EGFR: variants seen among roughly 807,000 people sequenced by gnomAD.
EGFR encodes the protein avian erythroblastic leukemia viral (v-erb-b) oncogene homolog.
A neutral mutation model predicts 143.0 loss-of-function variants in EGFR; 58 were observed. The observed-to-expected ratio is 0.41, with a 90% CI of 0.33 to 0.50. The LOEUF (loss-of-function observed/expected upper bound fraction) is 0.50. EGFR is among the 20% of genes least tolerant of loss of function. The probability of loss-of-function intolerance (pLI) is 0.39; values close to 1 mark genes in which losing one functional copy is unlikely to be tolerated. For synonymous variants in EGFR, 613 were observed against 594.4 expected (o/e 1.03, Z -0.45); for missense variants, 1,307 against 1,579.0 (o/e 0.83, Z 2.92).
intron 1 of EGFR, among the ~76,000 whole-genome samples, chr7:55,106,649 C>A (rs2330951): frequency 0.8 from 122,424 of 152,172 alleles, 49,622 homozygotes; most frequent in East Asian, 0.99. Context: ...AAGTAAAACT[C>A]TTCAAATTAA....
At chr7:55,200,492 C>T (rs2128970189) in intron 24 of EGFR, 79 bp downstream of exon 24, 2 of 1,396,304 alleles carry the variant, frequency 1.4e-6, no homozygotes, top group Non-Finnish European at 2.0e-6. Context: ...TGTCACATGC[C>T]AGCCTGGCCT....
intron 15 of EGFR, among the ~76,000 whole-genome samples, chr7:55,169,285 C>G (rs553452865): frequency 1.3e-5 from 2 of 151,992 alleles, no homozygotes; most frequent in South Asian, 2.1e-4. Flanking sequence ...ATTTTTAGTA[C>G]AGACAGGGTT....
In EGFR at chr7:55,165,216, T is replaced by G. The variant is rs17336933; in HGVS notation, c.1723-64T>G. 1.6e-3 allele frequency: 2,580 copies of G among 1,610,884 alleles called. 48 individuals are homozygous for G. The African/African-American group carries it at 0.029, about 18-fold the overall frequency. ...ACACTAAATATTTTAAGTAAAAAGT[T>G]ACTTCCATTTTGAAAGAGAAAAGAA... On this transcript the variant is annotated intron_variant, in intron 14 of 27. Coordinates refer to ENST00000275493, the MANE Select transcript of EGFR (RefSeq NM_005228.5).
At chr7:55,125,908 A>G (rs916024531) in intron 1 of EGFR, among the ~76,000 whole-genome samples, 1 of 152,198 alleles carries the variant, frequency 6.6e-6, no homozygotes, top group African/African-American at 2.4e-5. Context: ...TTCAAATGAA[A>G]TCTAAAGTCC....
chr7:55,024,296 A>G (rs957707685), intron 1 of EGFR, among the ~76,000 whole-genome samples: 1 of 152,214 alleles, frequency 6.6e-6, no homozygotes, highest in African/African-American at 2.4e-5. Flanking sequence ...TGTGAATTGC[A>G]TATGCTTAGA....
intron 1 of EGFR, among the ~76,000 whole-genome samples, chr7:55,121,937 G>C (rs1793233194): frequency 6.6e-6 from 1 of 152,226 alleles, no homozygotes; most frequent in African/African-American, 2.4e-5. Flanking sequence ...GTTCAGTCCA[G>C]TGGATCTGGG....
intron 1 of EGFR, among the ~76,000 whole-genome samples, chr7:55,069,518 C>T (rs898339601): frequency 6.6e-6 from 1 of 152,230 alleles, no homozygotes; most frequent in Admixed American, 6.5e-5. Context: ...CACATCAGAC[C>T]TGGTTCTTGC....
intron 1 of EGFR, among the ~76,000 whole-genome samples, chr7:55,136,789 G>A (rs1441110080): frequency 6.6e-6 from 1 of 152,258 alleles, no homozygotes; most frequent in Admixed American, 6.5e-5. Flanking sequence ...AGTCAGCCAT[G>A]CAATCAAGAG....
intron 7 of EGFR, 103 bp downstream of exon 7, chr7:55,154,255 A>G: frequency 1.9e-6 from 3 of 1,569,018 alleles, no homozygotes; most frequent in Non-Finnish European, 2.6e-6. Flanking sequence ...CTTTGGGTGG[A>G]TGTGTTTGCC....
chr7:55,061,193 G>A lies in EGFR; in HGVS notation c.88+41828G>A, dbSNP rs117223234. Among the ~76,000 whole-genome samples the A allele has an allele frequency of 1.6e-4, 25 of 152,300 alleles. No homozygotes were observed. The East Asian group carries it at 2.5e-3, about 15-fold the overall frequency. ...TGTAATTGGCCACTTAGTAATAGAC[G>A]TGTAGGTCTCTTGTGTGGATAAGGA... On this transcript the variant is annotated intron_variant, in intron 1 of 27. Transcript: ENST00000275493.
At chr7:55,192,263 C>G (rs1323680254) in intron 21 of EGFR, among the ~76,000 whole-genome samples, 1 of 152,184 alleles carries the variant, frequency 6.6e-6, no homozygotes, top group East Asian at 1.9e-4. Context: ...ACCCGAGCTC[C>G]CAGGGCTGTC....
intron 1 of EGFR, among the ~76,000 whole-genome samples, chr7:55,058,262 C>T (rs1788951828): frequency 1.3e-5 from 2 of 152,128 alleles, no homozygotes; most frequent in Non-Finnish European, 2.9e-5. Context: ...GGCGCGGTGG[C>T]AGGCACCTGT....
intron 15 of EGFR, chr7:55,170,843 T>G (rs933981992): frequency 2.1e-6 from 3 of 1,412,038 alleles, no homozygotes; most frequent in Non-Finnish European, 1.8e-6. Flanking sequence ...CTTCTGCCCC[T>G]CTGTTTGAAA....
chr7:55,209,419 C>T lies in EGFR; in HGVS notation c.*3802C>T, dbSNP rs749948319. The T allele has an allele frequency of 7.9e-5, 12 of 152,176 alleles. No individual in the cohort carries two copies. Among genetic ancestry groups the T allele is most frequent in the Non-Finnish European group, 1.6e-4 (11 of 68,046 alleles). 9.4% of individuals were successfully genotyped at this position (152,176 alleles called of 1,614,324 possible). A position where few individuals can be genotyped will look rare whatever the true frequency, so the allele number is the denominator to read the frequency against. On this transcript the variant is annotated 3_prime_UTR_variant, in exon 28 of 28. Transcript: ENST00000275493. Reference sequence around the variant, plus strand: ...AGCTGGAAAGGGGCAAATACCCCCACCTGAGCTTTGAAAACGCCCTGGGAC... The same window carrying T: ...AGCTGGAAAGGGGCAAATACCCCCATCTGAGCTTTGAAAACGCCCTGGGAC...
At position 55,156,554 on chromosome 7, in the gene EGFR, G is replaced by T. The variant is rs771398183; in HGVS notation, c.1028G>T (p.Gly343Val). ...CRKVCNGIGI[G>V]EFKDSLSINA... is the part of the protein sequence containing the mutation. ...GCAGTGTGTAACGGAATAGGTATTG[G>T]TGAATTTAAAGACTCACTCTCCATA... Residue 343 changes from glycine (G) to valine (V), a missense_variant, in exon 9 of 28, where the codon GGT becomes GTT. Physicochemically the swap from Gly to Val is moderately radical, Grantham distance 109. Coordinates refer to ENST00000275493, the MANE Select transcript of EGFR (RefSeq NM_005228.5). 8.1e-6 allele frequency: 13 copies of T among 1,614,094 alleles called. No individual in the cohort carries two copies. The highest frequency in any genetic ancestry group is 1.1e-5 in the Non-Finnish European group (13 of 1,180,050).
intron 11 of EGFR, among the ~76,000 whole-genome samples, chr7:55,159,578 C>T (rs1231966724): frequency 2.0e-4 from 30 of 152,220 alleles, no homozygotes; most frequent in Non-Finnish European, 1.5e-5. Flanking sequence ...GAGGCCCCTG[C>T]TCTTTGCTTC....
chr7:55,064,318 T>C (rs1332124213), intron 1 of EGFR, among the ~76,000 whole-genome samples: 1 of 152,210 alleles, frequency 6.6e-6, no homozygotes, highest in Non-Finnish European at 1.5e-5. Context: ...GCTTCACCAT[T>C]CACACATGGA....
chr7:55,169,143 C>T (rs1183397649), intron 15 of EGFR, among the ~76,000 whole-genome samples: 1 of 151,806 alleles, frequency 6.6e-6, no homozygotes, highest in Non-Finnish European at 1.5e-5. Flanking sequence ...TTCTGTCACC[C>T]TGGCTGGAGT....
At chr7:55,061,088 AC>A (rs1406213925) in intron 1 of EGFR, among the ~76,000 whole-genome samples, 22 of 152,192 alleles carry the variant, frequency 1.4e-4, no homozygotes, top group African/African-American at 5.3e-4. Context: ...CTGTATCTGT[AC>A]CAGCAATATT....
Sources: allele counts gnomAD v4.1 joint callset (sites outside exome capture counted in the v4.1 genomes callset), GRCh38; gene constraint gnomAD v4.1.1; transcripts MANE v1.5; gene names NCBI Gene and HGNC (gene_info 2026-07-23, HGNC 2026-07-21).